Variants in MMS19 observed in about 807,000 individuals in gnomAD.
MMS19 encodes the protein MMS19 cytosolic iron-sulfur assembly component, also known as MMS19 nucleotide excision repair protein homolog.
In MMS19, 77 loss-of-function variants were observed where a neutral mutation model predicts 129.8. The ratio of observed to expected loss-of-function variants is 0.59; its 90% confidence interval spans 0.49 to 0.72. The LOEUF is 0.72. Among genes scored for constraint, MMS19 ranks in the 30% least tolerant of loss-of-function variants. The pLI, the probability that MMS19 is intolerant of heterozygous loss-of-function variation, is 0.00. For synonymous variants in MMS19, 491 were observed against 502.8 expected, an observed-to-expected ratio of 0.98 and a Z score of 0.31; for missense variants, 1,168 against 1,266.3, an observed-to-expected ratio of 0.92 and a Z score of 1.18.
At chr10:97,466,193 C>G (rs745897007) in intron 16 of MMS19, 34 bp from the exon 17 acceptor site, 26 of 1,514,030 alleles carry the variant, frequency 1.7e-5, no homozygotes, top group Non-Finnish European at 6.3e-6. Flanking sequence ...ATTGGCTGAG[C>G]CTGGGCTCAC....
rs1252871762 is a variant in MMS19 at position 97,494,408 on chromosome 10, G to GA, written c.112+3864dup. Among the ~76,000 whole-genome samples the GA allele has an allele frequency of 1.6e-4, 25 of 152,206 alleles. 1 individual carries two copies. The highest frequency in any genetic ancestry group is 1.2e-3 in the Admixed American group (19 of 15,272). ...TCTGGACTAGCAGCCAAAGGGAAGT[G>GA]AGGGGAAGCGGGTAGGGTGGGAGGA... On this transcript the variant is annotated intron_variant, in intron 1 of 30. Transcript: ENST00000438925.
At chr10:97,467,217 T>C (rs1014519709) in intron 14 of MMS19, among the ~76,000 whole-genome samples, 1 of 152,148 alleles carries the variant, frequency 6.6e-6, no homozygotes, top group African/African-American at 2.4e-5. Context: ...AACCTCAAGT[T>C]TTCCGCCTGC....
intron 8 of MMS19, among the ~76,000 whole-genome samples, chr10:97,472,931 C>T (rs1034477770): frequency 6.6e-6 from 1 of 152,090 alleles, no homozygotes; most frequent in African/African-American, 2.4e-5. Context: ...AATCATAGTG[C>T]ACTACAGCCT....
At chr10:97,488,386 T>C (rs1407756485) in intron 1 of MMS19, among the ~76,000 whole-genome samples, 1 of 152,196 alleles carries the variant, frequency 6.6e-6, no homozygotes, top group African/African-American at 2.4e-5. Flanking sequence ...ATAACATCTT[T>C]AGAATTCCAG....
intron 29 of MMS19, 107 bp from the exon 30 acceptor site, chr10:97,459,007 G>C: frequency 8.5e-7 from 1 of 1,173,916 alleles, no homozygotes; most frequent in Non-Finnish European, 1.2e-6. Flanking sequence ...AACATCTTTA[G>C]TGATTCCAAG....
At chr10:97,477,487 CT>C (rs1589694939) in intron 5 of MMS19, 71 bp from the exon 6 acceptor site, 2 of 1,602,350 alleles carry the variant, frequency 1.2e-6, no homozygotes, top group Non-Finnish European at 8.5e-7. Flanking sequence ...CTAGTTCCTG[CT>C]TCATAATCTC....
chr10:97,477,245 A>T, intron 6 of MMS19, 102 bp downstream of exon 6: 1 of 1,589,778 alleles, frequency 6.3e-7, no homozygotes, highest in Non-Finnish European at 8.6e-7. Context: ...CTCTCAGGAT[A>T]CCAGCTCTTC....
At position 97,460,104 on chromosome 10, in the gene MMS19, C is replaced by G. The variant is rs763582532; in HGVS notation, c.2598G>C (p.Gln866His). 21 of 1,614,050 alleles carry G rather than the reference C, an allele frequency of 1.3e-5. 1 individual carries two copies. The South Asian group carries it at 2.2e-4, about 17-fold the overall frequency. The change falls in exon 26 of 31, where the codon CAG (glutamine) becomes CAC (histidine). Residue 866 changes from glutamine (Q) to histidine (H), a missense_variant. This residue lies in a region of MMS19 where 831 missense variants were observed against 910.8 expected (regional missense o/e 0.91). Transcript: ENST00000438925. ...CAGGCACATTATCTGTGAAGAACCG[C>G]TGGCGGAACATGATCCGCACTTCGG... ...GHAEVRIMFR[Q>H]RFFTDNVPAL...
At chr10:97,467,430 C>T in intron 14 of MMS19, 75 bp downstream of exon 14, 1 of 1,160,698 alleles carries the variant, frequency 8.6e-7, no homozygotes, top group South Asian at 1.3e-5. Flanking sequence ...TTCCACAGCA[C>T]TCTTTGCCCT....
intron 3 of MMS19, among the ~76,000 whole-genome samples, chr10:97,480,531 C>T (rs1292636740): frequency 3.3e-5 from 5 of 152,084 alleles, no homozygotes; most frequent in South Asian, 2.1e-4. Flanking sequence ...GTTCATTTTA[C>T]GGAGTGGGAA....
rs2036048193 is a variant in MMS19, at chr10:97,477,880, G to A, written c.398C>T (p.Ala133Val). ...CTGTACATGCACTTCCTGGAAGATG[G>A]CTTTAAGCACAGAAACAGCCAGCCC... ...PPGLAVSVLKAIFQEVHVQSL... is the reference protein window; with the variant it reads ...PPGLAVSVLKVIFQEVHVQSL... Residue 133 changes from alanine to valine, a missense_variant, in exon 5 of 31, where the codon GCC (alanine) becomes GTC (valine). By Grantham distance (64) the Ala-to-Val change is moderately conservative. Around this residue, in one of 3 missense-constraint regions of MMS19, gnomAD observed 329 missense variants for 328.6 expected, o/e 1.00. Transcript: ENST00000438925. 6.2e-7 allele frequency: 1 copy of A among 1,609,526 alleles called. No homozygotes were observed.
intron 1 of MMS19, among the ~76,000 whole-genome samples, chr10:97,489,781 T>C (rs993552160): frequency 1.3e-5 from 2 of 152,198 alleles, no homozygotes; most frequent in Non-Finnish European, 2.9e-5. Flanking sequence ...GTTCCCCAAT[T>C]TGCATTTGTT....
rs1002904474 is a variant in MMS19, at chr10:97,459,600, C to A, written c.2739+59G>T. On this transcript the variant is annotated intron_variant, in intron 27 of 30. Transcript: ENST00000438925. ...GGTTCTTGTTCCCTCCCCTTTCTAG[C>A]CCCATCTGGGGAAGAATAGCTTTGT... 2.3e-5 allele frequency: 37 copies of A among 1,598,938 alleles called. No homozygotes were observed. The African/African-American group carries it at 3.8e-4, about 16-fold the overall frequency.
intron 1 of MMS19, among the ~76,000 whole-genome samples, chr10:97,496,702 C>A (rs769060039): frequency 6.6e-6 from 1 of 151,976 alleles, no homozygotes. Context: ...TGTTCTATAT[C>A]TTCGTAGGGG....
chr10:97,496,791 A>C (rs1462764653), intron 1 of MMS19, among the ~76,000 whole-genome samples: 4 of 152,208 alleles, frequency 2.6e-5, no homozygotes, highest in Non-Finnish European at 5.9e-5. Flanking sequence ...TTTTACATCA[A>C]AATAAACCGT....
chr10:97,461,282 CTT>C (rs1192350445), intron 23 of MMS19: 12 of 633,018 alleles, frequency 1.9e-5, no homozygotes, highest in South Asian at 4.0e-5. Context: ...GAACTAGACT[CTT>C]TGTGCTCCCT....
At chr10:97,487,098 T>C (rs2038041772) in intron 1 of MMS19, among the ~76,000 whole-genome samples, 1 of 151,550 alleles carries the variant, frequency 6.6e-6, no homozygotes, top group Non-Finnish European at 1.5e-5. Flanking sequence ...CAGTTTCAAT[T>C]CATATTCAAA....
chr10:97,492,785 G>A (rs1004766560), intron 1 of MMS19, among the ~76,000 whole-genome samples: 1 of 149,360 alleles, frequency 6.7e-6, no homozygotes, highest in Non-Finnish European at 1.5e-5. Flanking sequence ...TTTGAACCCA[G>A]GAGGCTAAAG....
intron 2 of MMS19, among the ~76,000 whole-genome samples, chr10:97,482,971 A>T (rs530817906): frequency 6.6e-6 from 1 of 152,018 alleles, no homozygotes; most frequent in South Asian, 2.1e-4. Flanking sequence ...CGTGCTAGCC[A>T]GGATGGTCTC....
Sources: gnomAD v4.1 joint callset for allele counts (sites outside exome capture counted in the v4.1 genomes callset) on GRCh38, gnomAD v4.1.1 for gene constraint, gnomAD v4.1.1 regional missense constraint, MANE v1.5 for transcripts, NCBI Gene and HGNC (gene_info 2026-07-23, HGNC 2026-07-21) for gene names.